Variants in TSHZ2 observed in about 807,000 individuals in gnomAD.
TSHZ2 encodes the protein teashirt zinc finger homeobox 2, also known as teashirt homolog 2.
In TSHZ2, 21 loss-of-function variants were observed where a neutral mutation model predicts 74.4. That is an observed-to-expected ratio of 0.28 (90% CI 0.20 to 0.41). TSHZ2 has a LOEUF of 0.41. Ranked by LOEUF, TSHZ2 falls within the 10% of genes least tolerant of loss-of-function variation. TSHZ2 has a pLI of 1.00. For missense variants in TSHZ2, 1,244 were observed against 1,293.5 expected (o/e 0.96, Z 0.59); for synonymous variants, 540 against 515.3 (o/e 1.05, Z -0.65).
chr20:53,310,737 A>T (rs573895838), intron 2 of TSHZ2, among the ~76,000 whole-genome samples: 3 of 152,200 alleles, frequency 2.0e-5, no homozygotes, highest in Non-Finnish European at 4.4e-5. Flanking sequence ...GGATTCCCCA[A>T]CATGACCATT....
At chr20:53,048,829 C>T (rs759314188) in intron 1 of TSHZ2, among the ~76,000 whole-genome samples, 1 of 152,170 alleles carries the variant, frequency 6.6e-6, no homozygotes, top group Non-Finnish European at 1.5e-5. Flanking sequence ...TCCAGCCACC[C>T]ACTGGGCTTG....
rs530917278 is a variant in TSHZ2 at position 53,215,106 on chromosome 20, T to G, written c.41-38393T>G. Among the ~76,000 whole-genome samples, 8 of 152,220 alleles carry G rather than the reference T, an allele frequency of 5.3e-5. No homozygotes were observed. The South Asian group carries it at 1.5e-3, about 28-fold the overall frequency. On this transcript the variant is annotated intron_variant, in intron 1 of 2. Transcript: ENST00000371497. ...TGGGTTTGTTTTTGCAGGGAGGTTG[T>G]TTGTTTGAGTTTTTTTTAAAGATTA...
intron 2 of TSHZ2, among the ~76,000 whole-genome samples, chr20:53,403,533 T>G (rs529395538): frequency 3.3e-5 from 5 of 152,202 alleles, no homozygotes; most frequent in Non-Finnish European, 7.3e-5. Flanking sequence ...AGTAGAGAAC[T>G]CTGTGTGCAG....
intron 2 of TSHZ2, among the ~76,000 whole-genome samples, chr20:53,260,728 T>C (rs1990584941): frequency 6.6e-6 from 1 of 152,232 alleles, no homozygotes; most frequent in Admixed American, 6.5e-5. Context: ...ATGTATGTAA[T>C]TATTTTCCTT....
rs778769992 is a variant in TSHZ2 at position 53,254,747 on chromosome 20, A to T, written c.1289A>T (p.Gln430Leu). 3.7e-6 allele frequency: 6 copies of T among 1,613,394 alleles called. No homozygotes were observed. The highest frequency in any genetic ancestry group is 5.1e-6 in the Non-Finnish European group (6 of 1,179,506). ...VLDPLAVEKM[Q>L]SLSEAPNSDS... ...GACCCGTTAGCAGTGGAGAAAATGC[A>T]GTCGTTGTCTGAGGCCCCAAACAGT... Residue 430 changes from glutamine to leucine, a missense_variant, in exon 2 of 3, where the codon CAG (glutamine) becomes CTG (leucine). Gln to Leu is a moderately radical substitution (Grantham distance 113, BLOSUM62 -2). This residue lies in a region of TSHZ2 where 562 missense variants were observed against 544.0 expected (regional missense o/e 1.03). Coordinates refer to ENST00000371497, the MANE Select transcript of TSHZ2 (RefSeq NM_173485.6).
intron 1 of TSHZ2, among the ~76,000 whole-genome samples, chr20:53,204,109 C>CTGT (rs1989082825): frequency 9.7e-4 from 2 of 2,054 alleles, no homozygotes; most frequent in Non-Finnish European, 1.6e-3. Flanking sequence ...ATATGATATA[C>CTGT]TATATCATCA....
chr20:53,182,490 G>A (rs931198573), intron 1 of TSHZ2, among the ~76,000 whole-genome samples: 4 of 152,238 alleles, frequency 2.6e-5, no homozygotes, highest in Admixed American at 6.5e-5. Context: ...TGCCCTCATG[G>A]CATTTCCAGT....
intron 1 of TSHZ2, among the ~76,000 whole-genome samples, chr20:53,203,518 G>C (rs1989060428): frequency 6.6e-6 from 1 of 151,934 alleles, no homozygotes; most frequent in African/African-American, 2.4e-5. Context: ...TAGGTCTACA[G>C]GGGCCAGGCT....
intron 2 of TSHZ2, among the ~76,000 whole-genome samples, chr20:53,267,092 A>T (rs985156862): frequency 2.0e-5 from 3 of 152,212 alleles, no homozygotes; most frequent in Non-Finnish European, 4.4e-5. Flanking sequence ...TGATGATTAT[A>T]TAACCACACA....
chr20:53,081,228 C>T (rs754034470), intron 1 of TSHZ2, among the ~76,000 whole-genome samples: 3 of 152,086 alleles, frequency 2.0e-5, no homozygotes, highest in Non-Finnish European at 4.4e-5. Flanking sequence ...GATGAGGTCT[C>T]GCTATGTTAC....
intron 2 of TSHZ2, among the ~76,000 whole-genome samples, chr20:53,282,144 C>T (rs953202814): frequency 6.6e-6 from 1 of 152,156 alleles, no homozygotes; most frequent in African/African-American, 2.4e-5. Flanking sequence ...GTCTCAGTTT[C>T]CCCAAAGTTA....
chr20:53,476,427 G>A (rs917996009), intron 2 of TSHZ2, among the ~76,000 whole-genome samples: 3 of 152,050 alleles, frequency 2.0e-5, no homozygotes, highest in African/African-American at 7.3e-5. Context: ...TATCTCAATA[G>A]ATGCAGAGAA....
At chr20:53,143,646 C>T (rs919677372) in intron 1 of TSHZ2, among the ~76,000 whole-genome samples, 8 of 152,012 alleles carry the variant, frequency 5.3e-5, no homozygotes, top group Non-Finnish European at 1.2e-4. Context: ...GAGCCAAGAT[C>T]GTGCCACTGC....
Position 53,107,857 on chromosome 20 carries a change from CCT to C in TSHZ2, c.40+134527_40+134528del, listed in dbSNP as rs554357934. Among the ~76,000 whole-genome samples the C allele has an allele frequency of 2.6e-3, 403 of 152,256 alleles. 1 individual carries two copies. The highest frequency in any genetic ancestry group is 4.7e-3 in the Non-Finnish European group (319 of 68,020). ...GAAAGGAGAGCCTCTTTCAGAAACT[CCT>C]CTTTCTTTCTGGCTCCCCAAGTCCT... On this transcript the variant is annotated intron_variant, in intron 1 of 2. Transcript: ENST00000371497.
intron 1 of TSHZ2, among the ~76,000 whole-genome samples, chr20:53,111,074 G>T (rs1393646627): frequency 6.6e-6 from 1 of 152,112 alleles, no homozygotes; most frequent in Non-Finnish European, 1.5e-5. Flanking sequence ...AAAATGAGGA[G>T]CCCAGGCAGG....
At chr20:53,336,270 G>A (rs761130115) in intron 2 of TSHZ2, among the ~76,000 whole-genome samples, 13 of 152,164 alleles carry the variant, frequency 8.5e-5, no homozygotes, top group South Asian at 2.1e-4. Context: ...ATTCTACCAC[G>A]TCTCCTTTCC....
intron 1 of TSHZ2, among the ~76,000 whole-genome samples, chr20:53,122,900 T>C (rs1045753780): frequency 2.0e-5 from 3 of 152,224 alleles, no homozygotes; most frequent in Non-Finnish European, 4.4e-5. Context: ...CATTTTCTTT[T>C]ATTTCTGTTC....
intron 1 of TSHZ2, among the ~76,000 whole-genome samples, chr20:53,188,721 A>T (rs117486857): frequency 6.5e-4 from 99 of 152,336 alleles, no homozygotes; most frequent in Middle Eastern, 3.4e-3. Flanking sequence ...ACATATTAAT[A>T]AACATTCATA....
chr20:53,456,532 C>G (rs1479011653), intron 2 of TSHZ2, among the ~76,000 whole-genome samples: 1 of 112,100 alleles, frequency 8.9e-6, no homozygotes, highest in African/African-American at 3.9e-5. Flanking sequence ...ATGGTAGTTT[C>G]TTTTGCTGTG....
Sources: gnomAD v4.1 joint callset for allele counts (sites outside exome capture counted in the v4.1 genomes callset) on GRCh38, gnomAD v4.1.1 for gene constraint, gnomAD v4.1.1 regional missense constraint, MANE v1.5 for transcripts, NCBI Gene and HGNC (gene_info 2026-07-23, HGNC 2026-07-21) for gene names.